RPS6KC1: variants seen among roughly 807,000 people sequenced by gnomAD.
RPS6KC1 encodes ribosomal protein S6 kinase C1.
RPS6KC1 carries 54 observed loss-of-function variants against 103.8 expected under a neutral mutation model. The ratio of observed to expected loss-of-function variants is 0.52; its 90% CI spans 0.42 to 0.65. RPS6KC1 has a LOEUF of 0.65. Ranked by LOEUF, RPS6KC1 falls within the 30% of genes least tolerant of loss-of-function variation. RPS6KC1 has a pLI of 0.00. For missense variants in RPS6KC1, 1,151 were observed against 1,253.8 expected, an observed-to-expected ratio of 0.92 and a Z score of 1.24; for synonymous variants, 439 against 438.7, an observed-to-expected ratio of 1.00 and a Z score of -0.01.
intron 3 of RPS6KC1, among the ~76,000 whole-genome samples, chr1:213,083,356 G>C (rs2080079242): frequency 6.6e-6 from 1 of 152,180 alleles, no homozygotes; most frequent in South Asian, 2.1e-4. Flanking sequence ...TCCAACATTT[G>C]CCCTGCTGGA....
chr1:213,671,491 A>G, the RPS6KC1 span, among the ~76,000 whole-genome samples: 1 of 152,164 alleles, frequency 6.6e-6, no homozygotes. Context: ...AATGCATTGA[A>G]TATTTCAAAC....
At chr1:213,111,307 A>G (rs964408905) in intron 4 of RPS6KC1, among the ~76,000 whole-genome samples, 5 of 152,254 alleles carry the variant, frequency 3.3e-5, no homozygotes, top group East Asian at 3.9e-4. Flanking sequence ...TTAACAGAAA[A>G]ACTTTGAGAT....
the RPS6KC1 span, among the ~76,000 whole-genome samples, chr1:213,773,131 A>G: frequency 6.6e-6 from 1 of 152,062 alleles, no homozygotes; most frequent in Non-Finnish European, 1.5e-5. Context: ...AGGGGCAGGG[A>G]GCCATCGCAG....
chr1:213,317,887 C>T, the RPS6KC1 span, among the ~76,000 whole-genome samples: 1 of 152,204 alleles, frequency 6.6e-6, no homozygotes, highest in African/African-American at 2.4e-5. Context: ...TTCACTTCAA[C>T]ATGAGGGGCT....
chr1:213,725,644 T>C, the RPS6KC1 span, among the ~76,000 whole-genome samples: 9 of 152,194 alleles, frequency 5.9e-5, no homozygotes. Flanking sequence ...TTGCTAAGTA[T>C]GAAGACTGGA....
rs1558462517 is a variant in RPS6KC1 at position 213,167,484 on chromosome 1, A to ACG, written c.836-373_836-372insGC. On this transcript the variant is annotated intron_variant, in intron 6 of 14. Coordinates refer to ENST00000366960, the MANE Select transcript of RPS6KC1 (RefSeq NM_012424.6). ...CACACACACACACACACACACACAC[A>ACG]CACACAACAGCTGTTGCATTTGGTC... Among the ~76,000 whole-genome samples the ACG allele has an allele frequency of 7.2e-4, 100 of 138,854 alleles. 1 individual carries two copies. Among genetic ancestry groups the ACG allele is most frequent in the Middle Eastern group, 7.5e-3 (2 of 268 alleles). The allele number at this position is 138,854 out of a possible 152,430, so 91.1% of individuals were successfully genotyped here.
chr1:213,785,588 C>T, the RPS6KC1 span, among the ~76,000 whole-genome samples: 1 of 151,984 alleles, frequency 6.6e-6, no homozygotes, highest in Non-Finnish European at 1.5e-5. Context: ...GCTGAATTAA[C>T]AAGGATTTGG....
At chr1:213,081,484 T>C (rs374092155) in intron 3 of RPS6KC1, among the ~76,000 whole-genome samples, 10 of 151,900 alleles carry the variant, frequency 6.6e-5, no homozygotes, top group Non-Finnish European at 1.2e-4. Flanking sequence ...ACCTTGAACG[T>C]TGGGGATCAA....
chr1:213,704,385 CAAAAAAAAAA>C, the RPS6KC1 span, among the ~76,000 whole-genome samples: 1 of 27,660 alleles, frequency 3.6e-5, no homozygotes, highest in East Asian at 1.6e-3. Context: ...GACTCCGTCT[CAAAAAAAAAA>C]AAAAAAAAAA....
intron 14 of RPS6KC1, among the ~76,000 whole-genome samples, chr1:213,269,317 TG>T (rs1244419624): frequency 6.6e-6 from 1 of 152,162 alleles, no homozygotes; most frequent in Non-Finnish European, 1.5e-5. Flanking sequence ...AAAACTGAAC[TG>T]AATTGAAAGG....
At chr1:213,558,049 CACAG>C in the RPS6KC1 span, among the ~76,000 whole-genome samples, 4 of 152,318 alleles carry the variant, frequency 2.6e-5, no homozygotes, top group South Asian at 8.3e-4. Context: ...ATGTTACACA[CACAG>C]ACACACATGC....
At chr1:213,334,646 A>G in the RPS6KC1 span, among the ~76,000 whole-genome samples, 2 of 152,170 alleles carry the variant, frequency 1.3e-5, no homozygotes, top group African/African-American at 4.8e-5. Flanking sequence ...AACACATTGC[A>G]AGGGCTCCTC....
At chr1:213,735,442 C>G in the RPS6KC1 span, among the ~76,000 whole-genome samples, 1 of 152,196 alleles carries the variant, frequency 6.6e-6, no homozygotes, top group Non-Finnish European at 1.5e-5. Context: ...CACCCTTGTT[C>G]TATTTCCCTC....
At chr1:213,149,672 A>G (rs954067795) in intron 6 of RPS6KC1, among the ~76,000 whole-genome samples, 4 of 152,282 alleles carry the variant, frequency 2.6e-5, no homozygotes, top group South Asian at 4.1e-4. Context: ...TTTGGTCTGT[A>G]GTGTAGATTA....
the RPS6KC1 span, among the ~76,000 whole-genome samples, chr1:213,344,672 C>T: frequency 6.6e-6 from 1 of 152,064 alleles, no homozygotes; most frequent in African/African-American, 2.4e-5. Flanking sequence ...GTAGCTGGGA[C>T]TACAGGTGTG....
chr1:213,187,285 G>GTTTTTTTTTT (rs2092573531), intron 8 of RPS6KC1, among the ~76,000 whole-genome samples: 1 of 130,006 alleles, frequency 7.7e-6, no homozygotes. Flanking sequence ...ATCTCACTCT[G>GTTTTTTTTTT]TCACCTAGGC....
At chr1:213,616,871 AG>A in the RPS6KC1 span, among the ~76,000 whole-genome samples, 1 of 152,162 alleles carries the variant, frequency 6.6e-6, no homozygotes, top group African/African-American at 2.4e-5. Context: ...GAGCAGAAGC[AG>A]GGCATGATAA....
At chr1:213,482,112 T>G in the RPS6KC1 span, among the ~76,000 whole-genome samples, 1 of 152,342 alleles carries the variant, frequency 6.6e-6, no homozygotes, top group East Asian at 1.9e-4. Context: ...GGCACCATGC[T>G]TCCTGTACAG....
chr1:213,630,643 A>G, the RPS6KC1 span, among the ~76,000 whole-genome samples: 1 of 152,136 alleles, frequency 6.6e-6, no homozygotes, highest in Admixed American at 6.5e-5. Context: ...CCTTTGGAGG[A>G]GGAGAGGTGC....
Sources: allele counts gnomAD v4.1 joint callset (sites outside exome capture counted in the v4.1 genomes callset), GRCh38; gene constraint gnomAD v4.1.1; transcripts MANE v1.5; gene names NCBI Gene and HGNC (gene_info 2026-07-23, HGNC 2026-07-21).